Variants in CYP3A5 observed in about 807,000 individuals in gnomAD.
The protein encoded by CYP3A5 is cytochrome P450 family 3 subfamily A member 5, also known as cytochrome P450 3A5.
In CYP3A5, 51 loss-of-function variants were observed where a neutral mutation model predicts 55.9. The observed-to-expected ratio is 0.91, with a 90% CI of 0.73 to 1.15. The LOEUF is 1.15. Ranked by LOEUF, CYP3A5 falls within the 50% of genes most tolerant of loss-of-function variation. The pLI is 0.00. For missense variants in CYP3A5, 533 were observed against 596.6 expected (o/e 0.89, Z 1.11); for synonymous variants, 196 against 213.9 (o/e 0.92, Z 0.73).
In CYP3A5 at chr7:99,667,008, A is replaced by G. The variant is rs1294331881; in HGVS notation, c.376T>C (p.Trp126Arg). Reference sequence around the variant, plus strand: ...GACAGCAATGACCGTATTCTCTTCCATTCTTCATCCTCAGCTAAAGAGATG... The same window carrying G: ...GACAGCAATGACCGTATTCTCTTCCGTTCTTCATCCTCAGCTAAAGAGATG... Reference protein sequence around the residue: ...SAISLAEDEEWKRIRSLLSPT... With the variant: ...SAISLAEDEERKRIRSLLSPT... Residue 126 changes from tryptophan (W) to arginine (R), a missense_variant, in exon 5 of 13, where the codon TGG (tryptophan) becomes CGG (arginine). Coordinates refer to ENST00000222982, the MANE Select transcript of CYP3A5 (RefSeq NM_000777.5). 6.2e-7 allele frequency: 1 copy of G among 1,614,120 alleles called. No homozygotes were observed. The highest frequency in any genetic ancestry group is 1.3e-5 in the African/African-American group (1 of 75,046).
chr7:99,657,326 T>TC (rs1274805042), intron 10 of CYP3A5, among the ~76,000 whole-genome samples: 3 of 152,224 alleles, frequency 2.0e-5, no homozygotes, highest in African/African-American at 7.2e-5. Context: ...ATTTCTGCCT[T>TC]CATTTCGTTA....
chr7:99,650,384 G>C, intron 11 of CYP3A5, 152 bp from the exon 12 acceptor site: 1 of 701,680 alleles, frequency 1.4e-6, no homozygotes, highest in South Asian at 2.1e-5. Context: ...ATCCTGCTTT[G>C]GTTATTTCGT....
Position 99,672,567 on chromosome 7 carries a change from A to C in CYP3A5, c.318+13T>G. ...ATCAATCATTATTTAAATTTCAAAA[A>C]ATGGATGCTTACCCTTCGATTTGTG... On this transcript the variant is annotated intron_variant, in intron 4 of 12. Transcript: ENST00000222982. The C allele has an allele frequency of 2.5e-6, 4 of 1,605,406 alleles. No homozygotes were observed. The highest frequency in any genetic ancestry group is 3.4e-6 in the Non-Finnish European group (4 of 1,172,440).
chr7:99,648,519 A>G, intron 12 of CYP3A5, 119 bp from the exon 13 acceptor site: 2 of 682,738 alleles, frequency 2.9e-6, no homozygotes, highest in Non-Finnish European at 4.9e-6. Flanking sequence ...ACGACTCTTA[A>G]CACCATGTAT....
chr7:99,650,956 T>A (rs1223851076), intron 11 of CYP3A5, among the ~76,000 whole-genome samples: 1 of 152,226 alleles, frequency 6.6e-6, no homozygotes, highest in Non-Finnish European at 1.5e-5. Context: ...CAAATTTGAT[T>A]TCTAAATATT....
At position 99,667,065 on chromosome 7, in the gene CYP3A5, A is replaced by G. The variant is rs1278132844; in HGVS notation, c.319T>C (p.Ser107Pro). 4.3e-6 allele frequency: 7 copies of G among 1,612,020 alleles called. No individual in the cohort carries two copies. In the South Asian group the frequency reaches 7.7e-5, roughly 18 times the overall value. The part of the protein sequence containing the change: ...ECYSVFTNRR[S>P]LGPVGFMKSA... ...TTCATAAATCCCACTGGGCCTAAAG[A>G]CTAGAGTTCAACAGAAACATTTTTT... Residue 107 changes from serine to proline, a missense_variant and splice_region_variant, in exon 5 of 13, where the codon TCT becomes CCT. Coordinates refer to ENST00000222982, the MANE Select transcript of CYP3A5 (RefSeq NM_000777.5).
intron 8 of CYP3A5, chr7:99,663,489 A>C: frequency 1.0e-6 from 1 of 989,986 alleles, no homozygotes; most frequent in Non-Finnish European, 1.2e-6. Flanking sequence ...ACCCCTGTTC[A>C]CTCCAGGCTG....
chr7:99,659,273 T>G (rs1810127023), intron 10 of CYP3A5: 1 of 152,396 alleles, frequency 6.6e-6, no homozygotes, highest in Non-Finnish European at 1.5e-5. Flanking sequence ...GTCCTTTCTG[T>G]TTGTTAGTTT....
At chr7:99,670,613 A>G (rs1019706735) in intron 4 of CYP3A5, among the ~76,000 whole-genome samples, 1 of 152,240 alleles carries the variant, frequency 6.6e-6, no homozygotes, top group Non-Finnish European at 1.5e-5. Context: ...TGTTCAACTT[A>G]TAGAAAAATT....
intron 10 of CYP3A5, 95 bp downstream of exon 10, chr7:99,660,404 T>G: frequency 6.7e-7 from 1 of 1,488,600 alleles, no homozygotes; most frequent in Admixed American, 2.4e-5. Flanking sequence ...AATCAGTGAT[T>G]ATGCTTTTTA....
chr7:99,672,737 C>T lies in CYP3A5; in HGVS notation c.219-58G>A. 1.9e-6 allele frequency: 3 copies of T among 1,609,700 alleles called. No homozygotes were observed. In the East Asian group the frequency reaches 6.7e-5, roughly 36 times the overall value. ...ACTAGCCCGATTCTGCAGCTGGAGC[C>T]ACACCCAGGAAGCCAGACTTTGATC... is the stretch of plus-strand genomic sequence containing the variant. On this transcript the variant is annotated intron_variant, in intron 3 of 12. Transcript: ENST00000222982.
intron 8 of CYP3A5, chr7:99,663,682 A>G (rs1370248264): frequency 3.9e-6 from 4 of 1,038,138 alleles, no homozygotes; most frequent in Non-Finnish European, 4.6e-6. Flanking sequence ...TTATCCTTTG[A>G]CAATTTATTA....
chr7:99,672,886 G>A (rs1025729063), intron 3 of CYP3A5: 3 of 1,376,454 alleles, frequency 2.2e-6, no homozygotes, highest in Admixed American at 3.1e-5. Context: ...ATATGATGAA[G>A]GGTAATGTGG....
chr7:99,677,177 C>T, intron 1 of CYP3A5: 1 of 985,380 alleles, frequency 1.0e-6, no homozygotes, highest in Non-Finnish European at 1.2e-6. Flanking sequence ...GCAAACTCCT[C>T]CAACTGATGG....
At chr7:99,665,798 T>C (rs557189898) in intron 6 of CYP3A5, among the ~76,000 whole-genome samples, 7 of 152,222 alleles carry the variant, frequency 4.6e-5, no homozygotes, top group Non-Finnish European at 8.8e-5. Flanking sequence ...CCTAGAAATA[T>C]CATCCTTTAT....
chr7:99,665,174 A>C lies in CYP3A5; in HGVS notation c.662T>G (p.Leu221Arg). 6.2e-7 allele frequency: 1 copy of C among 1,610,442 alleles called. No individual in the cohort carries two copies. The highest frequency in any genetic ancestry group is 8.5e-7 in the Non-Finnish European group (1 of 1,177,472). Residue 221 changes from leucine to arginine, a missense_variant, in exon 7 of 13, where the codon CTC becomes CGC. Coordinates refer to ENST00000222982, the MANE Select transcript of CYP3A5 (RefSeq NM_000777.5). ...LKFGFLDPLF[L>R]SIILFPFLTP... ...AATAATAGCCCACATACTTATTGAG[A>C]GAAATAATGGATCTAAGAAACCAAA...
chr7:99,654,120 G>C (rs1809470148), intron 10 of CYP3A5, among the ~76,000 whole-genome samples: 1 of 151,892 alleles, frequency 6.6e-6, no homozygotes, highest in Non-Finnish European at 1.5e-5. Context: ...TAGGGTACAT[G>C]TACACAACGT....
chr7:99,676,144 A>T lies in CYP3A5; in HGVS notation c.136T>A (p.Leu46Met), dbSNP rs748355697. Residue 46 changes from leucine (L) to methionine (M), a missense_variant, in exon 2 of 13, where the codon TTG (leucine) becomes ATG (methionine). Transcript: ENST00000222982. ...LGIPGPTPLP[L>M]LGNVLSYRQG... Reference sequence around the variant, plus strand: ...CGATAGGACAAAACATTTCCCAACAAAGGCAGAGGTGTGGGCCCTGGAATT... The same window carrying T: ...CGATAGGACAAAACATTTCCCAACATAGGCAGAGGTGTGGGCCCTGGAATT... 3.1e-5 allele frequency: 50 copies of T among 1,613,568 alleles called. No individual in the cohort carries two copies. Among genetic ancestry groups the T allele is most frequent in the Middle Eastern group, 1.6e-4 (1 of 6,082 alleles).
At chr7:99,655,521 C>T (rs1809624710) in intron 10 of CYP3A5, among the ~76,000 whole-genome samples, 3 of 152,162 alleles carry the variant, frequency 2.0e-5, no homozygotes, top group South Asian at 2.1e-4. Flanking sequence ...ATGATGCCTC[C>T]GGCTTTGTTC....
Sources: allele counts gnomAD v4.1 joint callset (sites outside exome capture counted in the v4.1 genomes callset), GRCh38; gene constraint gnomAD v4.1.1; transcripts MANE v1.5; gene names NCBI Gene and HGNC (gene_info 2026-07-23, HGNC 2026-07-21).